NEDD9: variants seen among roughly 807,000 people sequenced by gnomAD.
The protein encoded by NEDD9 is enhancer of filamentation 1.
Under a neutral mutation model 76.6 loss-of-function variants are expected in NEDD9, and 26 were observed. The ratio of observed to expected loss-of-function variants is 0.34; its 90% confidence interval spans 0.25 to 0.47. The LOEUF (loss-of-function observed/expected upper bound fraction) is 0.47. NEDD9 is among the 20% of genes least tolerant of loss of function. The pLI, the probability that NEDD9 is intolerant of heterozygous loss-of-function variation, is 1.00. For missense variants in NEDD9, 937 were observed against 1,058.5 expected (o/e 0.89, Z 1.59); for synonymous variants, 392 against 414.2 (o/e 0.95, Z 0.65).
At chr6:11,352,587 A>C (rs1762489536) in intron 1 of NEDD9, 1 of 152,234 alleles carries the variant, frequency 6.6e-6, no homozygotes, top group Non-Finnish European at 1.5e-5. Context: ...TGGTCCTGCC[A>C]GTCAGAAAGA....
intron 3 of NEDD9, among the ~76,000 whole-genome samples, chr6:11,239,527 C>T (rs1420659916): frequency 6.6e-6 from 1 of 152,160 alleles, no homozygotes; most frequent in African/African-American, 2.4e-5. Flanking sequence ...ACTGGTCAAG[C>T]TCTTGGAATG....
Position 11,185,045 on chromosome 6 carries a change from A to C in NEDD9, c.*117T>G. On this transcript the variant is annotated 3_prime_UTR_variant, in exon 7 of 7. Transcript: ENST00000379446. ...GTTGACTGACCCATAAAATGTTAAA[A>C]TATTTCATTTTTATATAAAATATCT... 3 of 1,275,090 alleles carry C rather than the reference A, an allele frequency of 2.4e-6. No individual in the cohort carries two copies. The highest frequency in any genetic ancestry group is 3.1e-6 in the Non-Finnish European group (3 of 954,396). 79.0% of individuals were successfully genotyped at this position (1,275,090 alleles called of 1,614,324 possible).
At chr6:11,318,388 G>C (rs1042291232) in intron 2 of NEDD9, among the ~76,000 whole-genome samples, 1 of 152,172 alleles carries the variant, frequency 6.6e-6, no homozygotes, top group Admixed American at 6.5e-5. Context: ...AAGGTGTGGA[G>C]CGGGGGATGA....
upstream of NEDD9, among the ~76,000 whole-genome samples, chr6:11,237,616 C>T (rs1375679632): frequency 4.6e-5 from 7 of 152,044 alleles, no homozygotes; most frequent in South Asian, 2.1e-4. This position sits in a 1 kb window ranked among gnomAD's most constrained non-coding sequence, Gnocchi z 4.9. Flanking sequence ...ATTCAAATTT[C>T]GATGTCTATA....
intron 1 of NEDD9, among the ~76,000 whole-genome samples, chr6:11,369,329 A>G (rs1450745946): frequency 6.6e-6 from 1 of 152,240 alleles, no homozygotes; most frequent in Non-Finnish European, 1.5e-5. Flanking sequence ...AATTAACAAA[A>G]CAAGAAAACA....
At chr6:11,319,384 TCA>T (rs910353519) in intron 2 of NEDD9, among the ~76,000 whole-genome samples, 11 of 147,126 alleles carry the variant, frequency 7.5e-5, no homozygotes, top group Admixed American at 2.1e-4. Context: ...CACACAAGTC[TCA>T]CACTCACACA....
rs189546388 is a variant in NEDD9, at chr6:11,185,790, T to C, written c.1996-119A>G. The C allele has an allele frequency of 1.4e-3, 1,685 of 1,212,818 alleles. 29 individuals carry two copies. The highest frequency in any genetic ancestry group is 1.4e-4 in the Non-Finnish European group (122 of 876,148). The allele number at this position is 1,212,818 out of a possible 1,614,324, so 75.1% of individuals were successfully genotyped here. On this transcript the variant is annotated intron_variant, in intron 6 of 6. Coordinates refer to ENST00000379446, the MANE Select transcript of NEDD9 (RefSeq NM_006403.4). ...GTCGCTAGTAACTGTCAGATGCATG[T>C]GAGCTGTAAAGCCTGGGTCAAGCTG...
chr6:11,315,457 T>C lies in NEDD9; in HGVS notation c.-152-9302A>G, dbSNP rs16871248. 3.0e-3 allele frequency among the ~76,000 whole-genome samples: 456 copies of C among 152,368 alleles called. 14 individuals carry two copies. The East Asian group carries it at 0.076, about 25-fold the overall frequency. Reference sequence around the variant, plus strand: ...AAACTTTTTGGTTATGATATATTTCTTTCCATTTGTATAAAAGCAACCAAT... The same window carrying C: ...AAACTTTTTGGTTATGATATATTTCCTTCCATTTGTATAAAAGCAACCAAT... On this transcript the variant is annotated intron_variant, in intron 2 of 3. Transcript: ENST00000397378.
intron 2 of NEDD9, among the ~76,000 whole-genome samples, chr6:11,319,733 AAC>A (rs373115692): frequency 0.091 from 11,586 of 127,194 alleles, 582 homozygotes; most frequent in Admixed American, 0.18. Flanking sequence ...CTCACACACT[AAC>A]ATGCACACAC....
At chr6:11,224,274 C>T (rs140828459) in intron 1 of NEDD9, among the ~76,000 whole-genome samples, 138 of 152,288 alleles carry the variant, frequency 9.1e-4, no homozygotes, top group African/African-American at 3.2e-3. Flanking sequence ...GAGATCGATT[C>T]CAGTGCCTCT....
intron 1 of NEDD9, among the ~76,000 whole-genome samples, chr6:11,363,515 G>C (rs546834051): frequency 6.6e-6 from 1 of 152,262 alleles, no homozygotes; most frequent in South Asian, 2.1e-4. Flanking sequence ...GGGGCATTAA[G>C]TACCAGACCA....
At chr6:11,200,846 T>C in intron 2 of NEDD9, 3 of 1,545,674 alleles carry the variant, frequency 1.9e-6, no homozygotes, top group Non-Finnish European at 2.6e-6. Flanking sequence ...GACACGCCAA[T>C]GGGAAACCCC....
chr6:11,284,631 G>T (rs966771682), intron 3 of NEDD9, among the ~76,000 whole-genome samples: 4 of 151,298 alleles, frequency 2.6e-5, no homozygotes, highest in African/African-American at 9.7e-5. Context: ...GTTCAGCTTC[G>T]GTTATTCAAA....
At chr6:11,289,396 A>T (rs568388899) in intron 3 of NEDD9, among the ~76,000 whole-genome samples, 5 of 152,338 alleles carry the variant, frequency 3.3e-5, no homozygotes, top group Admixed American at 1.3e-4. Context: ...TTATGTGGTA[A>T]TATTCAGGTT....
chr6:11,298,423 T>A (rs1760956750), intron 3 of NEDD9, among the ~76,000 whole-genome samples: 1 of 152,152 alleles, frequency 6.6e-6, no homozygotes, highest in Non-Finnish European at 1.5e-5. Context: ...TAAAGCAAAT[T>A]AAAAAATTGA....
At chr6:11,253,259 T>C (rs911293467) in intron 3 of NEDD9, among the ~76,000 whole-genome samples, 2 of 152,190 alleles carry the variant, frequency 1.3e-5, no homozygotes, top group African/African-American at 2.4e-5. Context: ...CTTTGCAGGA[T>C]TGCAAAGGAG....
intron 3 of NEDD9, among the ~76,000 whole-genome samples, chr6:11,287,524 C>A (rs987699057): frequency 8.1e-5 from 12 of 148,530 alleles, no homozygotes; most frequent in Non-Finnish European, 1.7e-4. Context: ...GTGCACAAAT[C>A]CACACACACA....
At chr6:11,275,396 T>C (rs1349387570) in intron 3 of NEDD9, among the ~76,000 whole-genome samples, 4 of 152,158 alleles carry the variant, frequency 2.6e-5, no homozygotes, top group Non-Finnish European at 4.4e-5. Flanking sequence ...AGAGAGTGGA[T>C]TTTAAATATT....
intron 4 of NEDD9, 61 bp downstream of exon 4, chr6:11,192,284 C>CT (rs1758164417): frequency 2.6e-6 from 1 of 391,696 alleles, no homozygotes; most frequent in Non-Finnish European, 4.2e-6. Context: ...CAACCCTGCA[C>CT]CCCCCGACAC....
Sources: allele counts gnomAD v4.1 joint callset (sites outside exome capture counted in the v4.1 genomes callset), GRCh38; gene constraint gnomAD v4.1.1; non-coding constraint Gnocchi (gnomAD v3.1); transcripts MANE v1.5; gene names NCBI Gene and HGNC (gene_info 2026-07-23, HGNC 2026-07-21).